The following PTPRB variants were observed in gnomAD, a reference collection of about 807,000 sequenced individuals.
PTPRB encodes receptor-type tyrosine-protein phosphatase beta.
Under a neutral mutation model 238.1 loss-of-function variants are expected in PTPRB, and 97 were observed. That is an observed-to-expected ratio of 0.41 (90% CI 0.35 to 0.48). The LOEUF is 0.48. Among genes scored for constraint, PTPRB ranks in the 20% least tolerant of loss-of-function variants. The pLI, the probability that PTPRB is intolerant of heterozygous loss-of-function variation, is 0.30. For missense variants in PTPRB, 2,292 were observed against 2,681.9 expected, an observed-to-expected ratio of 0.85 and a Z score of 3.21; for synonymous variants, 970 against 995.4, an observed-to-expected ratio of 0.97 and a Z score of 0.48.
Position 70,519,854 on chromosome 12 carries a change from C to A in PTPRB, c.*1635G>T, listed in dbSNP as rs1185400804. ...TGAATCTTTGAAGCTTATGATTATG[C>A]TTCACATTTTTGTAAACTTCAAATA... On this transcript the variant is annotated 3_prime_UTR_variant, in exon 34 of 34. Transcript: ENST00000334414. The A allele has an allele frequency of 6.1e-6, 1 of 164,998 alleles. No homozygotes were observed. 10.2% of individuals were successfully genotyped at this position (164,998 alleles called of 1,614,324 possible). A position where few individuals can be genotyped will look rare whatever the true frequency, so the allele number is the denominator to read the frequency against.
rs1874986917 is a variant in PTPRB, at chr12:70,540,950, C to T, written c.5502G>A (p.Leu1834=). ...CACTCACACCTTCAATAGCTCCAAA[C>T]AAGGGCTCTACAATAATCCAGATAG... ...SLPITTESEP[L]FGAIEGVSAG... is the part of the protein sequence containing the mutation. Residue 1834 remains leucine, a synonymous_variant, in exon 23 of 34, where the codon TTG becomes TTA. Transcript: ENST00000334414. 3 of 1,601,656 alleles carry T rather than the reference C, an allele frequency of 1.9e-6. No homozygotes were observed. Among genetic ancestry groups the T allele is most frequent in the Non-Finnish European group, 2.6e-6 (3 of 1,173,872 alleles).
chr12:70,622,748 G>C (rs1885002508), intron 2 of PTPRB, 102 bp from the exon 3 acceptor site: 1 of 1,319,596 alleles, frequency 7.6e-7, no homozygotes, highest in Admixed American at 2.7e-5. Context: ...TTCAATAATG[G>C]GCATGTGGAT....
intron 2 of PTPRB, among the ~76,000 whole-genome samples, chr12:70,623,198 T>C (rs1885025153): frequency 6.6e-6 from 1 of 152,214 alleles, no homozygotes; most frequent in Non-Finnish European, 1.5e-5. Flanking sequence ...TGCAAACTGT[T>C]TCTAATCCAA....
chr12:70,603,143 G>A (rs1386933618), intron 4 of PTPRB, among the ~76,000 whole-genome samples: 1 of 151,970 alleles, frequency 6.6e-6, no homozygotes, highest in Non-Finnish European at 1.5e-5. Context: ...CAGACTAATA[G>A]AGAAATATTT....
At chr12:70,531,883 CAA>C (rs1414179252) in intron 32 of PTPRB, among the ~76,000 whole-genome samples, 150 bp downstream of exon 32, 4 of 152,170 alleles carry the variant, frequency 2.6e-5, no homozygotes, top group Non-Finnish European at 5.9e-5. Context: ...TTTAAAATAA[CAA>C]GTCTTAGAAA....
Position 70,562,825 on chromosome 12 carries a change from G to A in PTPRB, c.4168+19C>T, listed in dbSNP as rs902348164. ...GACAATTCCCCCACGATTCATTACT[G>A]CTTGGGTCTTGGTCTTACCTGTTCT... is the stretch of plus-strand genomic sequence containing the variant. On this transcript the variant is annotated intron_variant, in intron 16 of 33. Transcript: ENST00000334414. The A allele has an allele frequency of 1.2e-6, 2 of 1,610,016 alleles. No homozygotes were observed. The highest frequency in any genetic ancestry group is 2.2e-5 in the East Asian group (1 of 44,806).
At chr12:70,587,857 T>G (rs890887276) in intron 8 of PTPRB, among the ~76,000 whole-genome samples, 1 of 152,072 alleles carries the variant, frequency 6.6e-6, no homozygotes, top group Non-Finnish European at 1.5e-5. Context: ...TCCCAGCACT[T>G]TGGGAGGCCG....
intron 3 of PTPRB, among the ~76,000 whole-genome samples, chr12:70,613,378 G>A (rs1277422586): frequency 1.3e-5 from 2 of 152,064 alleles, no homozygotes; most frequent in African/African-American, 4.8e-5. Flanking sequence ...TTGTGTGCCA[G>A]GCTCTGGTAT....
intron 9 of PTPRB, among the ~76,000 whole-genome samples, chr12:70,586,586 G>A (rs1166349398): frequency 1.3e-5 from 2 of 152,124 alleles, no homozygotes; most frequent in African/African-American, 4.8e-5. Flanking sequence ...AATAACTGCA[G>A]CAATTCTTCC....
intron 2 of PTPRB, among the ~76,000 whole-genome samples, chr12:70,623,780 C>T (rs564405443): frequency 1.3e-5 from 2 of 152,214 alleles, no homozygotes; most frequent in East Asian, 1.9e-4. Flanking sequence ...TATACAACTA[C>T]TATGTGCCAG....
intron 5 of PTPRB, 77 bp from the exon 6 acceptor site, chr12:70,594,801 C>T (rs954054180): frequency 1.3e-6 from 2 of 1,516,212 alleles, no homozygotes; most frequent in Non-Finnish European, 1.8e-6. Context: ...AATTAGAAGT[C>T]ACATATTCAT....
intron 32 of PTPRB, among the ~76,000 whole-genome samples, chr12:70,526,753 C>T (rs1261532636): frequency 6.6e-6 from 1 of 152,186 alleles, no homozygotes; most frequent in Non-Finnish European, 1.5e-5. Flanking sequence ...CCACCCAAAG[C>T]ATAATTCATC....
intron 1 of PTPRB, 27 bp downstream of exon 1, chr12:70,637,314 T>C (rs1486614192): frequency 6.3e-7 from 1 of 1,590,580 alleles, no homozygotes; most frequent in South Asian, 1.1e-5. Flanking sequence ...AAGAAATGCC[T>C]CAGGACACTG....
intron 2 of PTPRB, among the ~76,000 whole-genome samples, chr12:70,626,405 A>G (rs138143320): frequency 0.022 from 2,225 of 99,314 alleles, 71 homozygotes; most frequent in African/African-American, 0.1. Context: ...CTGCCTGCCT[A>G]CCTACCTACC....
intron 1 of PTPRB, 77 bp downstream of exon 1, chr12:70,637,264 C>G (rs1885748416): frequency 7.4e-7 from 1 of 1,359,596 alleles, no homozygotes; most frequent in African/African-American, 1.5e-5. Context: ...TACCTTATTT[C>G]AGACACTTCA....
At position 70,569,697 on chromosome 12, in the gene PTPRB, C is replaced by G; in HGVS notation, c.3612G>C (p.Gln1204His). Reference protein sequence around the residue: ...IASVSGSLKNQINVVGRTVPA... With the variant: ...IASVSGSLKNHINVVGRTVPA... ...TACCTGTCCGCCCAACCACATTTAT[C>G]TGATTCTTCAGGGACCCGCTGACTG... The change falls in exon 14 of 34, where the codon CAG (glutamine) becomes CAC (histidine). Residue 1204 changes from glutamine to histidine, a missense_variant. Gln to His is a conservative substitution (Grantham distance 24, BLOSUM62 0). Coordinates refer to ENST00000334414, the MANE Select transcript of PTPRB (RefSeq NM_001109754.4). 1 of 1,613,938 alleles carries G rather than the reference C, an allele frequency of 6.2e-7. No individual in the cohort carries two copies.
At chr12:70,552,644 C>T in intron 21 of PTPRB, 133 bp downstream of exon 21, 1 of 1,166,820 alleles carries the variant, frequency 8.6e-7, no homozygotes, top group Non-Finnish European at 1.2e-6. Flanking sequence ...ATAAATTACC[C>T]AGTAAAATGC....
At chr12:70,547,756 C>G (rs1224568280) in intron 21 of PTPRB, among the ~76,000 whole-genome samples, 1 of 152,136 alleles carries the variant, frequency 6.6e-6, no homozygotes, top group South Asian at 2.1e-4. Flanking sequence ...ATCTGCCTGT[C>G]TTGGCCTCCC....
At position 70,555,283 on chromosome 12, in the gene PTPRB, G is replaced by A. The variant is rs1220260066; in HGVS notation, c.5020C>T (p.Arg1674Cys). 8 of 1,612,910 alleles carry A rather than the reference G, an allele frequency of 5.0e-6. No individual in the cohort carries two copies. The highest frequency in any genetic ancestry group is 2.2e-5 in the East Asian group (1 of 44,856). The change falls in exon 20 of 34, where the codon CGT becomes TGT. Residue 1674 changes from arginine (R) to cysteine (C), a missense_variant. Around this residue, in one of 4 missense-constraint regions of PTPRB, gnomAD observed 683 missense variants for 862.0 expected, o/e 0.79. Transcript: ENST00000334414. ...DRPPPPPPHI[R>C]VNEKDVLISK... ...ATTAGCACATCCTTTTCATTCACAC[G>A]AATGTGTGGGGGTGGAGGAGGGGGG...
Sources: allele counts gnomAD v4.1 joint callset (sites outside exome capture counted in the v4.1 genomes callset), GRCh38; gene constraint gnomAD v4.1.1; regional missense constraint gnomAD v4.1.1; transcripts MANE v1.5; gene names NCBI Gene and HGNC (gene_info 2026-07-23, HGNC 2026-07-21).